MAPK10: variants seen among roughly 807,000 people sequenced by gnomAD.
The protein encoded by MAPK10 is JNK3 alpha protein kinase.
Under a neutral mutation model 59.3 loss-of-function variants are expected in MAPK10, and 25 were observed. The ratio of observed to expected loss-of-function variants is 0.42; its 90% confidence interval spans 0.31 to 0.59. The LOEUF is 0.59. MAPK10 is among the 20% of genes least tolerant of loss of function. MAPK10 has a pLI of 0.15. For missense variants in MAPK10, 351 were observed against 568.9 expected (o/e 0.62, Z 3.90); for synonymous variants, 190 against 200.5 (o/e 0.95, Z 0.44).
chr4:86,206,197 C>A (rs1323670306), intron 2 of MAPK10, among the ~76,000 whole-genome samples: 1 of 151,532 alleles, frequency 6.6e-6, no homozygotes, highest in Non-Finnish European at 1.5e-5. Context: ...CCTCCCCCGT[C>A]CCCCCACCTC....
intron 2 of MAPK10, among the ~76,000 whole-genome samples, chr4:86,225,540 A>G (rs770162764): frequency 1.2e-4 from 18 of 152,154 alleles, no homozygotes; most frequent in East Asian, 1.9e-4. Context: ...GCCTTTCACT[A>G]TAATAAATCC....
At chr4:86,344,976 T>C (rs978925567) in intron 2 of MAPK10, among the ~76,000 whole-genome samples, 1 of 152,198 alleles carries the variant, frequency 6.6e-6, no homozygotes. Context: ...AAAATTGATA[T>C]AGTCAGTTTG....
intron 2 of MAPK10, among the ~76,000 whole-genome samples, chr4:86,248,317 C>T (rs17011590): frequency 0.14 from 21,380 of 152,070 alleles, 2,750 homozygotes; most frequent in African/African-American, 0.34. Context: ...TTGTTAACAT[C>T]TTTTGTAAAG....
rs558933352 is a variant in MAPK10, at chr4:86,478,843, A to G, written c.-263+115067T>C. On this transcript the variant is annotated intron_variant, in intron 1 of 4. Transcript: ENST00000502302. The stretch of plus-strand genomic sequence containing the variant: ...GGCAGGCCATGCTATAGTTCAAGCC[A>G]CTAGCCTGCCTCTTAGAACCTCTGA... 2.6e-5 allele frequency among the ~76,000 whole-genome samples: 4 copies of G among 152,320 alleles called. No individual in the cohort carries two copies. In the East Asian group the frequency reaches 7.7e-4, roughly 29 times the overall value.
At chr4:86,321,415 A>G (rs1306609947) in intron 2 of MAPK10, among the ~76,000 whole-genome samples, 4 of 152,080 alleles carry the variant, frequency 2.6e-5, no homozygotes, top group African/African-American at 9.7e-5. Context: ...ATAAAAAATG[A>G]TGAGTTCATG....
chr4:86,012,436 C>T lies in MAPK10; in HGVS notation c.*4792G>A, dbSNP rs1156544165. 6.6e-6 allele frequency: 1 copy of T among 152,136 alleles called. No individual in the cohort carries two copies. The highest frequency in any genetic ancestry group is 1.5e-5 in the Non-Finnish European group (1 of 68,002). 9.4% of individuals were successfully genotyped at this position (152,136 alleles called of 1,614,324 possible). A position where few individuals can be genotyped will look rare whatever the true frequency, so the allele number is the denominator to read the frequency against. ...CTCAAGACAACGAGCAGCATCATAACCATTGTCAACAGGCAAACTCCAACA... is the reference window on the plus strand; with the variant it reads ...CTCAAGACAACGAGCAGCATCATAATCATTGTCAACAGGCAAACTCCAACA... On this transcript the variant is annotated 3_prime_UTR_variant, in exon 14 of 14. Coordinates refer to ENST00000641462, the MANE Select transcript of MAPK10 (RefSeq NM_138982.4).
rs542379899 is a variant in MAPK10 at position 86,207,790 on chromosome 4, T to C, written c.-6-13383A>G. Among the ~76,000 whole-genome samples, 7 of 152,248 alleles carry C rather than the reference T, an allele frequency of 4.6e-5. No individual in the cohort carries two copies. The East Asian group carries it at 1.4e-3, about 30-fold the overall frequency. ...CCCTTGTAAGTTGGATTCCTAGGTCTTTTATTCTCTTTGAAGCAATTGTGA... is the reference window on the plus strand; with the variant it reads ...CCCTTGTAAGTTGGATTCCTAGGTCCTTTATTCTCTTTGAAGCAATTGTGA... On this transcript the variant is annotated intron_variant, in intron 2 of 13. Transcript: ENST00000641462.
At chr4:86,463,540 A>G (rs969056575) in intron 1 of MAPK10, among the ~76,000 whole-genome samples, 1 of 152,184 alleles carries the variant, frequency 6.6e-6, no homozygotes, top group Non-Finnish European at 1.5e-5. Context: ...GCAAAATTCA[A>G]TTTCTCGTGC....
Position 86,159,281 on chromosome 4 carries a change from A to G in MAPK10, c.236+17T>C. ...GGTGTGTTCCCTTTAAAAATACAGC[A>G]AATCCATTCCGCTTACCAAACTATG... On this transcript the variant is annotated intron_variant, in intron 4 of 13. Coordinates refer to ENST00000641462, the MANE Select transcript of MAPK10 (RefSeq NM_138982.4). 1 of 1,580,320 alleles carries G rather than the reference A, an allele frequency of 6.3e-7. No homozygotes were observed. Among genetic ancestry groups the G allele is most frequent in the East Asian group, 2.3e-5 (1 of 43,794 alleles).
chr4:86,585,842 C>A (rs979553977), intron 1 of MAPK10, among the ~76,000 whole-genome samples: 1 of 152,092 alleles, frequency 6.6e-6, no homozygotes, highest in Non-Finnish European at 1.5e-5. Context: ...TCAAGACAAT[C>A]GACTTAAAAA....
At position 86,015,430 on chromosome 4, in the gene MAPK10, T is replaced by C. The variant is rs1742959265; in HGVS notation, c.*1798A>G. The C allele has an allele frequency of 6.6e-6, 1 of 152,238 alleles. No homozygotes were observed. Among genetic ancestry groups the C allele is most frequent in the Non-Finnish European group, 1.5e-5 (1 of 68,048 alleles). 9.4% of individuals were successfully genotyped at this position (152,238 alleles called of 1,614,324 possible). ...TCACACTCATCAACCATCCACTTCC[T>C]GTCTTTCACTTCTTCAGGTGAAATA... On this transcript the variant is annotated 3_prime_UTR_variant, in exon 14 of 14. Coordinates refer to ENST00000641462, the MANE Select transcript of MAPK10 (RefSeq NM_138982.4).
chr4:86,463,596 C>T (rs113515742), intron 1 of MAPK10, among the ~76,000 whole-genome samples: 1,529 of 152,276 alleles, frequency 0.01, 7 homozygotes, highest in Non-Finnish European at 0.014. Context: ...CTACTCCTTA[C>T]TCCTACTTGG....
chr4:86,569,141 C>G (rs575825719), intron 1 of MAPK10, among the ~76,000 whole-genome samples: 1 of 151,794 alleles, frequency 6.6e-6, no homozygotes, highest in Non-Finnish European at 1.5e-5. Context: ...AGGCAGAGGA[C>G]GTGAACAGAC....
intron 2 of MAPK10, among the ~76,000 whole-genome samples, chr4:86,226,529 G>A (rs1170473964): frequency 6.6e-6 from 1 of 152,198 alleles, no homozygotes; most frequent in East Asian, 1.9e-4. Context: ...TTGCACATAA[G>A]TTAGTACAGT....
intron 1 of MAPK10, among the ~76,000 whole-genome samples, chr4:86,378,488 C>G (rs1740162357): frequency 1.5e-5 from 1 of 65,408 alleles, no homozygotes; most frequent in African/African-American, 3.9e-5. Flanking sequence ...AGCAGTTACT[C>G]TTTTCGACAT....
At chr4:86,023,902 T>C (rs1748815249) in intron 13 of MAPK10, 2 of 143,364 alleles carry the variant, frequency 1.4e-5, no homozygotes, top group African/African-American at 5.1e-5. Context: ...GCGATTATGA[T>C]AGCATGCTTT....
intron 2 of MAPK10, among the ~76,000 whole-genome samples, chr4:86,307,506 G>A (rs549264932): frequency 6.6e-6 from 1 of 152,254 alleles, no homozygotes; most frequent in South Asian, 2.1e-4. Context: ...AAAGAAAAGA[G>A]AATGTTGTAA....
At chr4:86,133,828 C>T (rs748433478) in intron 4 of MAPK10, among the ~76,000 whole-genome samples, 2 of 152,204 alleles carry the variant, frequency 1.3e-5, no homozygotes, top group Non-Finnish European at 2.9e-5. Flanking sequence ...ACCTCAGACA[C>T]ATCGTGGCTA....
chr4:86,280,614 A>C (rs142053602), intron 2 of MAPK10, among the ~76,000 whole-genome samples: 1 of 152,146 alleles, frequency 6.6e-6, no homozygotes, highest in Non-Finnish European at 1.5e-5. Context: ...AGTGGAAAAT[A>C]AATCGTTCTA....
Sources: gnomAD v4.1 joint callset for allele counts (sites outside exome capture counted in the v4.1 genomes callset) on GRCh38, gnomAD v4.1.1 for gene constraint, MANE v1.5 for transcripts, NCBI Gene and HGNC (gene_info 2026-07-23, HGNC 2026-07-21) for gene names.